DENND2A: variants seen among roughly 807,000 people sequenced by gnomAD.
The protein encoded by DENND2A is DENN domain-containing protein 2A.
DENND2A carries 53 observed loss-of-function variants against 105.3 expected under a neutral mutation model. The observed-to-expected ratio is 0.50, with a 90% CI of 0.40 to 0.63. The LOEUF is 0.63. Among genes scored for constraint, DENND2A ranks in the 30% least tolerant of loss-of-function variants. The probability of loss-of-function intolerance (pLI) is 0.00; values close to 1 mark genes in which losing one functional copy is unlikely to be tolerated. For synonymous variants in DENND2A, 522 were observed against 508.4 expected (o/e 1.03, Z -0.36); for missense variants, 1,138 against 1,279.6 (o/e 0.89, Z 1.69).
rs1287612382 is a variant in DENND2A at position 140,546,854 on chromosome 7, G to A, written c.2123C>T (p.Pro708Leu). 6.2e-7 allele frequency: 1 copy of A among 1,614,034 alleles called. No homozygotes were observed. The highest frequency in any genetic ancestry group is 8.5e-7 in the Non-Finnish European group (1 of 1,180,014). Residue 708 changes from proline to leucine, a missense_variant, in exon 13 of 20, where the codon CCA becomes CTA. Around this residue, in one of 2 missense-constraint regions of DENND2A, gnomAD observed 627 missense variants for 779.8 expected, o/e 0.80. Transcript: ENST00000496613. ...GACAAGGATGGTTTTGCCCAGGGCT[G>A]GGAAAGGGGCTTCCATGACACTTCT... is the stretch of plus-strand genomic sequence containing the variant. ...LMRSVMEAPF[P>L]ALGKTILVKN... is the part of the protein sequence containing the mutation.
In DENND2A at chr7:140,558,182, T is replaced by C; in HGVS notation, c.1920A>G (p.Glu640=). The part of the protein sequence containing the change: ...SETFSFVLTG[E]DGSRRFGYCR... ...AGTAACCGAACCTTCTGCTCCCATC[T>C]TCTCCAGTTAAGACAAATGAGAATG... The change falls in exon 11 of 20, where the codon GAA becomes GAG. Residue 640 remains glutamate, a synonymous_variant. Transcript: ENST00000496613. The C allele has an allele frequency of 6.2e-7, 1 of 1,613,648 alleles. No individual in the cohort carries two copies. The highest frequency in any genetic ancestry group is 1.1e-5 in the South Asian group (1 of 91,080).
At chr7:140,545,657 G>T (rs926077412) in intron 13 of DENND2A, among the ~76,000 whole-genome samples, 1 of 152,192 alleles carries the variant, frequency 6.6e-6, no homozygotes, top group East Asian at 1.9e-4. Context: ...GTGAGCCACC[G>T]TGTACCCAGC....
At chr7:140,519,578 G>A (rs904492767) in intron 19 of DENND2A, 54 bp downstream of exon 19, 10 of 1,547,376 alleles carry the variant, frequency 6.5e-6, no homozygotes, top group East Asian at 2.2e-5. Context: ...CTGGGACTCC[G>A]AGACAGACAG....
chr7:140,567,406 T>A, intron 8 of DENND2A, 133 bp from the exon 9 acceptor site: 4 of 743,932 alleles, frequency 5.4e-6, no homozygotes, highest in Middle Eastern at 8.0e-4. Flanking sequence ...CGAGCTGCAA[T>A]AGGTTATGTA....
intron 3 of DENND2A, among the ~76,000 whole-genome samples, chr7:140,589,018 C>G (rs1468222533): frequency 6.6e-6 from 1 of 152,180 alleles, no homozygotes; most frequent in African/African-American, 2.4e-5. Flanking sequence ...GCTAACATTA[C>G]AGGCGTGAGC....
intron 1 of DENND2A, among the ~76,000 whole-genome samples, chr7:140,608,653 G>C (rs187111677): frequency 1.3e-5 from 2 of 150,352 alleles, no homozygotes; most frequent in Admixed American, 1.3e-4. Context: ...TCCAGCCCAG[G>C]TGACACAGTG....
At chr7:140,564,479 C>T (rs1047286390) in intron 9 of DENND2A, among the ~76,000 whole-genome samples, 2 of 151,990 alleles carry the variant, frequency 1.3e-5, no homozygotes, top group African/African-American at 2.4e-5. Flanking sequence ...AAAGAGTACA[C>T]GCAGCACGAT....
chr7:140,540,118 C>G (rs964241806), intron 14 of DENND2A, among the ~76,000 whole-genome samples: 3 of 152,216 alleles, frequency 2.0e-5, no homozygotes, highest in Non-Finnish European at 4.4e-5. Context: ...TGTAAAGGGT[C>G]TAAAAACCCA....
At chr7:140,630,592 C>A (rs917221305) in intron 1 of DENND2A, among the ~76,000 whole-genome samples, 1 of 152,120 alleles carries the variant, frequency 6.6e-6, no homozygotes, top group Admixed American at 6.6e-5. Context: ...CACCTGTAAT[C>A]CTAGCACTTT....
At position 140,640,783 on chromosome 7, in the gene DENND2A, C is replaced by T. The variant is rs1801174896; in HGVS notation, c.-527G>A. The T allele has an allele frequency of 6.6e-6, 1 of 150,772 alleles. No individual in the cohort carries two copies. The highest frequency in any genetic ancestry group is 1.5e-5 in the Non-Finnish European group (1 of 67,700). 9.3% of individuals were successfully genotyped at this position (150,772 alleles called of 1,614,324 possible). On this transcript the variant is annotated 5_prime_UTR_variant, in exon 1 of 20. Transcript: ENST00000496613. This position sits in a 1 kb window ranked among gnomAD's most constrained non-coding sequence, Gnocchi z 4.9. ...GCGCAGGCTCGCCCGCGGCCCCTGC[C>T]TCCTCCTGCCGTGGCTCCGCGACGA...
At chr7:140,560,136 G>A (rs1005215310) in intron 9 of DENND2A, among the ~76,000 whole-genome samples, 2 of 152,200 alleles carry the variant, frequency 1.3e-5, no homozygotes, top group Non-Finnish European at 2.9e-5. Context: ...AGGAGGCTCA[G>A]GAATCTGGAA....
chr7:140,544,687 C>G lies in DENND2A; in HGVS notation c.2258G>C (p.Arg753Pro), dbSNP rs766206225. ...GGAGGCAAACACACAGACCAGGTGG[C>G]GGACGCTGAGGGAGGAGAAGAGAGA... The part of the protein sequence containing the change: ...FESLFSSLSV[R>P]HLVCVFASLL... Residue 753 changes from arginine (R) to proline (P), a missense_variant, in exon 14 of 20, where the codon CGC becomes CCC. Arg to Pro is a moderately radical substitution (Grantham distance 103, BLOSUM62 -2). Coordinates refer to ENST00000496613, the MANE Select transcript of DENND2A (RefSeq NM_015689.5). 5.6e-6 allele frequency: 9 copies of G among 1,613,810 alleles called. No homozygotes were observed. Among genetic ancestry groups the G allele is most frequent in the Non-Finnish European group, 7.6e-6 (9 of 1,179,916 alleles).
chr7:140,531,553 C>G (rs1348246289), intron 14 of DENND2A, among the ~76,000 whole-genome samples: 5 of 152,058 alleles, frequency 3.3e-5, no homozygotes, highest in African/African-American at 1.2e-4. Flanking sequence ...AATCCTAGCA[C>G]TTTGGGAGGC....
At chr7:140,619,475 C>T (rs1199448156) in intron 1 of DENND2A, among the ~76,000 whole-genome samples, 5 of 151,594 alleles carry the variant, frequency 3.3e-5, no homozygotes, top group Non-Finnish European at 7.4e-5. Flanking sequence ...TTGCACAACT[C>T]CACAAATACA....
chr7:140,519,026 G>A (rs150338345), intron 19 of DENND2A, among the ~76,000 whole-genome samples: 1 of 152,312 alleles, frequency 6.6e-6, no homozygotes, highest in African/African-American at 2.4e-5. Flanking sequence ...TCCCTCAGGA[G>A]CCAGGGGAGG....
chr7:140,519,775 T>G, intron 18 of DENND2A, 57 bp from the exon 19 acceptor site: 1 of 1,471,562 alleles, frequency 6.8e-7, no homozygotes, highest in Non-Finnish European at 9.5e-7. Flanking sequence ...CTTCTAAATG[T>G]GTCCATTTCC....
At chr7:140,597,885 T>C (rs1380574787) in intron 3 of DENND2A, among the ~76,000 whole-genome samples, 1 of 152,148 alleles carries the variant, frequency 6.6e-6, no homozygotes, top group African/African-American at 2.4e-5. Context: ...AGAAAGGATT[T>C]ATTATTGGAG....
chr7:140,542,133 G>A (rs1489827269), intron 14 of DENND2A, among the ~76,000 whole-genome samples: 1 of 151,990 alleles, frequency 6.6e-6, no homozygotes, highest in African/African-American at 2.4e-5. Context: ...GGCTGGCCCC[G>A]CATCTCAGCC....
At chr7:140,579,232 G>T (rs974022234) in intron 5 of DENND2A, among the ~76,000 whole-genome samples, 2 of 152,024 alleles carry the variant, frequency 1.3e-5, no homozygotes, top group Admixed American at 1.3e-4. Flanking sequence ...GGCGGAGGTT[G>T]CAGTAAGTCA....
Sources: gnomAD v4.1 joint callset for allele counts (sites outside exome capture counted in the v4.1 genomes callset) on GRCh38, gnomAD v4.1.1 for gene constraint, gnomAD v4.1.1 regional missense constraint, Gnocchi (gnomAD v3.1) non-coding constraint, MANE v1.5 for transcripts, NCBI Gene and HGNC (gene_info 2026-07-23, HGNC 2026-07-21) for gene names.